DOK6: variants seen among roughly 807,000 people sequenced by gnomAD.
DOK6 encodes docking protein 6.
DOK6 carries 22 observed loss-of-function variants against 44.0 expected under a neutral mutation model. The observed-to-expected ratio is 0.50, with a 90% CI of 0.36 to 0.71. The LOEUF (loss-of-function observed/expected upper bound fraction) is 0.71. DOK6 is among the 30% of genes least tolerant of loss of function. The probability of loss-of-function intolerance (pLI) is 0.00; values close to 1 mark genes in which losing one functional copy is unlikely to be tolerated. For synonymous variants in DOK6, 166 were observed against 145.5 expected, an observed-to-expected ratio of 1.14 and a Z score of -1.01; for missense variants, 340 against 416.4, an observed-to-expected ratio of 0.82 and a Z score of 1.60.
chr18:69,572,824 A>T (rs1983146478), intron 2 of DOK6, among the ~76,000 whole-genome samples: 1 of 152,052 alleles, frequency 6.6e-6, no homozygotes, highest in African/African-American at 2.4e-5. Context: ...CATTTATGAC[A>T]CAGAGGTCCT....
chr18:69,416,136 G>A (rs1395314200), intron 1 of DOK6, among the ~76,000 whole-genome samples: 2 of 146,070 alleles, frequency 1.4e-5, no homozygotes, highest in Admixed American at 6.9e-5. Flanking sequence ...GAGGAAGGGA[G>A]GGAGGGACGG....
At chr18:69,425,195 A>T (rs1009530907) in intron 1 of DOK6, among the ~76,000 whole-genome samples, 1 of 152,112 alleles carries the variant, frequency 6.6e-6, no homozygotes, top group Non-Finnish European at 1.5e-5. Context: ...CCTTATGTGC[A>T]TTGTATCATT....
In DOK6 at chr18:69,525,753, G is replaced by C. The variant is rs560995240; in HGVS notation, c.67-38734G>C. 7.9e-4 allele frequency among the ~76,000 whole-genome samples: 120 copies of C among 152,128 alleles called. 1 individual carries two copies. Among genetic ancestry groups the C allele is most frequent in the South Asian group, 1.2e-3 (6 of 4,824 alleles). ...CCACTGTAGCATAAAAGTAGCCACA[G>C]ACAATACATAAGTGAATGTGCTCCA... On this transcript the variant is annotated intron_variant, in intron 1 of 7. Transcript: ENST00000382713.
intron 1 of DOK6, among the ~76,000 whole-genome samples, chr18:69,559,138 TTATC>T (rs924413287): frequency 6.6e-6 from 1 of 152,158 alleles, no homozygotes; most frequent in African/African-American, 2.4e-5. Context: ...TTTTTCCTTA[TTATC>T]TATTATTAGG....
At chr18:69,729,958 A>G (rs910849771) in intron 5 of DOK6, among the ~76,000 whole-genome samples, 2 of 152,172 alleles carry the variant, frequency 1.3e-5, no homozygotes, top group Non-Finnish European at 2.9e-5. Flanking sequence ...AAAGAAACAT[A>G]TGTTAAGATG....
chr18:69,736,529 C>T (rs66675484), intron 5 of DOK6, among the ~76,000 whole-genome samples: 21,223 of 152,150 alleles, frequency 0.14, 1,557 homozygotes, highest in Middle Eastern at 0.23. Flanking sequence ...TGTCTACAAA[C>T]ATCAATAGAA....
At chr18:69,586,254 G>A (rs1432576590) in intron 2 of DOK6, among the ~76,000 whole-genome samples, 1 of 152,122 alleles carries the variant, frequency 6.6e-6, no homozygotes, top group Non-Finnish European at 1.5e-5. Flanking sequence ...AGTTTATGAT[G>A]ATAGACCACA....
chr18:69,723,469 T>C (rs1057378881), intron 5 of DOK6, among the ~76,000 whole-genome samples: 2 of 152,190 alleles, frequency 1.3e-5, no homozygotes, highest in Admixed American at 6.5e-5. Flanking sequence ...AATTGCTAGT[T>C]TGATAGAACA....
At chr18:69,783,494 G>A (rs867539322) in intron 7 of DOK6, among the ~76,000 whole-genome samples, 1 of 152,148 alleles carries the variant, frequency 6.6e-6, no homozygotes, top group South Asian at 2.1e-4. Context: ...CGTTACATTG[G>A]TGTTTTATAT....
At chr18:69,447,885 T>G (rs17080927) in intron 1 of DOK6, among the ~76,000 whole-genome samples, 5,036 of 152,308 alleles carry the variant, frequency 0.033, 137 homozygotes, top group Admixed American at 0.09. Flanking sequence ...ATTCCTTATC[T>G]CAGGTTTCCA....
intron 3 of DOK6, among the ~76,000 whole-genome samples, chr18:69,620,001 A>C (rs1984402693): frequency 6.6e-6 from 1 of 152,100 alleles, no homozygotes; most frequent in Non-Finnish European, 1.5e-5. Flanking sequence ...GTATGTTTTG[A>C]TTTTATGTAT....
chr18:69,589,717 C>T (rs1364210532), intron 2 of DOK6, among the ~76,000 whole-genome samples: 2 of 151,834 alleles, frequency 1.3e-5, no homozygotes, highest in Non-Finnish European at 2.9e-5. Context: ...CCCAGTTAGG[C>T]TAAAAGAAAA....
chr18:69,486,692 C>T (rs1189534917), intron 1 of DOK6, among the ~76,000 whole-genome samples: 2 of 152,136 alleles, frequency 1.3e-5, no homozygotes, highest in African/African-American at 4.8e-5. Context: ...ACTAATTTTT[C>T]ACTCAACAAA....
chr18:69,655,918 G>A (rs9954832), intron 3 of DOK6, among the ~76,000 whole-genome samples: 60,600 of 151,550 alleles, frequency 0.4, 12,674 homozygotes, highest in Admixed American at 0.46. Flanking sequence ...TGTCTGACAG[G>A]ATTTGCAATG....
chr18:69,746,302 T>A (rs1301487683), intron 6 of DOK6, among the ~76,000 whole-genome samples: 1 of 152,222 alleles, frequency 6.6e-6, no homozygotes, highest in Non-Finnish European at 1.5e-5. Flanking sequence ...AGAGTCTCAC[T>A]GTTGCCCAGG....
rs184486662 is a variant in DOK6, at chr18:69,692,178, G to T, written c.410-6226G>T. 5.3e-5 allele frequency among the ~76,000 whole-genome samples: 8 copies of T among 152,232 alleles called. No individual in the cohort carries two copies. In the East Asian group the frequency reaches 1.5e-3, roughly 29 times the overall value. ...TCTATCTTTCTCATTCTCATTGCTGGACTCTCAGTAATGGACTTGACCTGA... is the reference window on the plus strand; with the variant it reads ...TCTATCTTTCTCATTCTCATTGCTGTACTCTCAGTAATGGACTTGACCTGA... On this transcript the variant is annotated intron_variant, in intron 4 of 7. Coordinates refer to ENST00000382713, the MANE Select transcript of DOK6 (RefSeq NM_152721.6).
chr18:69,771,487 A>G (rs1979885599), intron 7 of DOK6, among the ~76,000 whole-genome samples: 1 of 152,026 alleles, frequency 6.6e-6, no homozygotes, highest in Non-Finnish European at 1.5e-5. Context: ...ACATGTGTAT[A>G]TAATACTTTA....
intron 7 of DOK6, among the ~76,000 whole-genome samples, chr18:69,783,791 A>C (rs1016645808): frequency 6.6e-6 from 1 of 152,154 alleles, no homozygotes; most frequent in African/African-American, 2.4e-5. Flanking sequence ...AATTCTTATA[A>C]TTTTCAATGA....
intron 3 of DOK6, among the ~76,000 whole-genome samples, chr18:69,613,400 A>T (rs943550160): frequency 1.3e-5 from 2 of 152,182 alleles, no homozygotes; most frequent in Non-Finnish European, 2.9e-5. Flanking sequence ...TTTACTGAGT[A>T]TGTCCCAGTC....
Sources: allele counts gnomAD v4.1 joint callset (sites outside exome capture counted in the v4.1 genomes callset), GRCh38; gene constraint gnomAD v4.1.1; transcripts MANE v1.5; gene names NCBI Gene and HGNC (gene_info 2026-07-23, HGNC 2026-07-21).